CEP76: variants seen among roughly 807,000 people sequenced by gnomAD.
CEP76 encodes centrosomal protein of 76 kDa.
A neutral mutation model predicts 83.3 loss-of-function variants in CEP76; 55 were observed. The ratio of observed to expected loss-of-function variants is 0.66; its 90% CI spans 0.53 to 0.83. CEP76 has a LOEUF of 0.83. Ranked by LOEUF, CEP76 falls within the 40% of genes least tolerant of loss-of-function variation. The probability of loss-of-function intolerance (pLI) is 0.00; values close to 1 mark genes in which losing one functional copy is unlikely to be tolerated. For missense variants in CEP76, 694 were observed against 799.5 expected (o/e 0.87, Z 1.59); for synonymous variants, 270 against 274.5 (o/e 0.98, Z 0.16).
At chr18:12,695,961 G>T (rs1452598748) in intron 5 of CEP76, among the ~76,000 whole-genome samples, 1 of 151,894 alleles carries the variant, frequency 6.6e-6, no homozygotes, top group Non-Finnish European at 1.5e-5. Flanking sequence ...ATTACAGGCT[G>T]AGTAGAAATT....
In CEP76 at chr18:12,699,055, A is replaced by T; in HGVS notation, c.444T>A (p.Arg148=). Residue 148 remains arginine, a synonymous_variant, in exon 4 of 12, where the codon CGT becomes CGA. Coordinates refer to ENST00000262127, the MANE Select transcript of CEP76 (RefSeq NM_024899.4). ...LCLHYRNQRF[R]SKPVPCACEP... ...CACAGGCACATGGAACAGGTTTAGA[A>T]CGAAAACGTTGGTTTCGATAATGTA... The T allele has an allele frequency of 6.2e-7, 1 of 1,614,138 alleles. No individual in the cohort carries two copies. Among genetic ancestry groups the T allele is most frequent in the Non-Finnish European group, 8.5e-7 (1 of 1,180,002 alleles).
downstream of CEP76, chr18:12,670,555 G>C (rs896546858): frequency 6.6e-6 from 1 of 152,102 alleles, no homozygotes; most frequent in Non-Finnish European, 1.5e-5. Context: ...AATATAGTCT[G>C]TCTCTTAGTA....
Position 12,701,101 on chromosome 18 carries a change from C to T in CEP76, c.76G>A (p.Gly26Ser), listed in dbSNP as rs759703161. ...HQQLSKMDVH[G>S]RIREILAETI... ...TCAGCAAGGATTTCTCTTATTCTAC[C>T]ATGGACATCCATCTATGTAGAAAAC... is the stretch of plus-strand genomic sequence containing the variant. The change falls in exon 2 of 12, where the codon GGT becomes AGT. Residue 26 changes from glycine (G) to serine (S), a missense_variant. Gly to Ser is a moderately conservative substitution (Grantham distance 56). Transcript: ENST00000262127. 4 of 1,611,344 alleles carry T rather than the reference C, an allele frequency of 2.5e-6. No homozygotes were observed. The South Asian group carries it at 3.3e-5, about 13-fold the overall frequency.
chr18:12,675,027 T>C (rs368054002), intron 10 of CEP76, among the ~76,000 whole-genome samples: 1 of 152,192 alleles, frequency 6.6e-6, no homozygotes, highest in Non-Finnish European at 1.5e-5. Context: ...TAATATCTAC[T>C]ACAAAATACT....
chr18:12,699,992 C>A, intron 2 of CEP76, 87 bp from the exon 3 acceptor site: 1 of 799,676 alleles, frequency 1.3e-6, no homozygotes, highest in South Asian at 2.2e-5. Flanking sequence ...AAGCACTGAA[C>A]CTAAAGTCAA....
intron 8 of CEP76, chr18:12,684,891 A>G (rs1440092248): frequency 6.6e-6 from 1 of 152,214 alleles, no homozygotes; most frequent in Non-Finnish European, 1.5e-5. Context: ...AGTCATTCAA[A>G]AAGTGTAATT....
intron 1 of CEP76, among the ~76,000 whole-genome samples, chr18:12,701,666 T>G (rs927285737): frequency 6.6e-6 from 1 of 151,814 alleles, no homozygotes; most frequent in African/African-American, 2.4e-5. Context: ...CATCTTGCAC[T>G]CAGTCGAGCG....
chr18:12,671,332 GAATT>G (rs1568006875), downstream of CEP76, among the ~76,000 whole-genome samples: 3 of 152,024 alleles, frequency 2.0e-5, no homozygotes, highest in South Asian at 4.1e-4. Context: ...GTGATTAAAA[GAATT>G]AATAACTTGG....
intron 8 of CEP76, 116 bp from the exon 9 acceptor site, chr18:12,680,944 A>T: frequency 1.1e-6 from 1 of 951,638 alleles, no homozygotes; most frequent in Non-Finnish European, 1.5e-6. Context: ...CACGCCTGTA[A>T]TCCCAACACT....
chr18:12,698,717 T>A (rs1364694878), intron 4 of CEP76: 2 of 423,068 alleles, frequency 4.7e-6, no homozygotes, highest in East Asian at 7.9e-5. Flanking sequence ...CATAACACTA[T>A]GCACATAATA....
intron 1 of CEP76, among the ~76,000 whole-genome samples, chr18:12,701,959 T>C (rs2040168836): frequency 6.6e-6 from 1 of 151,946 alleles, no homozygotes; most frequent in Non-Finnish European, 1.5e-5. Flanking sequence ...TGAAACCGTC[T>C]CTACTAAAAA....
chr18:12,692,613 G>C (rs1276340682), intron 6 of CEP76, among the ~76,000 whole-genome samples: 3 of 152,114 alleles, frequency 2.0e-5, no homozygotes, highest in Non-Finnish European at 4.4e-5. Flanking sequence ...AATAACCACT[G>C]TATCATATCA....
chr18:12,695,130 G>T, intron 6 of CEP76, 124 bp downstream of exon 6: 2 of 456,842 alleles, frequency 4.4e-6, no homozygotes, highest in Non-Finnish European at 4.0e-6. Flanking sequence ...GTGAACCTTT[G>T]AGTGCTAATC....
chr18:12,674,023 C>G (rs988175419), intron 11 of CEP76, among the ~76,000 whole-genome samples: 1 of 152,188 alleles, frequency 6.6e-6, no homozygotes, highest in African/African-American at 2.4e-5. Context: ...ACCAAAATCA[C>G]TGGGCAAATA....
intron 6 of CEP76, among the ~76,000 whole-genome samples, chr18:12,692,655 C>T (rs2039809803): frequency 6.6e-6 from 1 of 152,158 alleles, no homozygotes; most frequent in Non-Finnish European, 1.5e-5. Flanking sequence ...ACACCTTCTA[C>T]TATCTGATTA....
At chr18:12,700,893 TAAG>T in intron 2 of CEP76, 62 bp downstream of exon 2, 1 of 1,342,886 alleles carries the variant, frequency 7.4e-7, no homozygotes, top group Admixed American at 2.1e-5. Flanking sequence ...CGGAACCTTA[TAAG>T]TAGTGTTACG....
intron 7 of CEP76, among the ~76,000 whole-genome samples, chr18:12,687,539 C>T (rs756714740): frequency 1.3e-5 from 2 of 151,230 alleles, no homozygotes; most frequent in African/African-American, 4.9e-5. Flanking sequence ...CTGCAACCTC[C>T]GCCCATGGGT....
chr18:12,663,315 A>G (rs913769834), intron 12 of CEP76: 2 of 152,212 alleles, frequency 1.3e-5, no homozygotes, highest in African/African-American at 4.8e-5. Flanking sequence ...TCTTGAGGCC[A>G]AGGCTTGAGT....
chr18:12,690,079 G>A (rs1019825664), intron 7 of CEP76, among the ~76,000 whole-genome samples: 3 of 141,050 alleles, frequency 2.1e-5, no homozygotes, highest in Non-Finnish European at 3.3e-5. Context: ...GTGAGCCACC[G>A]CGCCCGGCCA....
Sources: gnomAD v4.1 joint callset for allele counts (sites outside exome capture counted in the v4.1 genomes callset) on GRCh38, gnomAD v4.1.1 for gene constraint, MANE v1.5 for transcripts, NCBI Gene and HGNC (gene_info 2026-07-23, HGNC 2026-07-21) for gene names.